MYT1L: variants seen among roughly 807,000 people sequenced by gnomAD.
The protein encoded by MYT1L is myelin transcription factor 1-like protein.
In MYT1L, 12 loss-of-function variants were observed where a neutral mutation model predicts 126.7. The ratio of observed to expected loss-of-function variants is 0.09; its 90% CI spans 0.06 to 0.15. The LOEUF (loss-of-function observed/expected upper bound fraction) is 0.15, where lower values mean the gene tolerates loss of function less well. Ranked by LOEUF, MYT1L falls within the 10% of genes least tolerant of loss-of-function variation. The probability of loss-of-function intolerance (pLI) is 1.00; values close to 1 mark genes in which losing one functional copy is unlikely to be tolerated. For missense variants in MYT1L, 979 were observed against 1,585.2 expected (o/e 0.62, Z 6.49); for synonymous variants, 541 against 604.2 (o/e 0.90, Z 1.53).
At chr2:2,223,128 G>GAC (rs542348922) in intron 2 of MYT1L, among the ~76,000 whole-genome samples, 320 of 152,328 alleles carry the variant, frequency 2.1e-3, no homozygotes, top group Non-Finnish European at 3.5e-3. Context: ...TTCGAGCCTT[G>GAC]AATGACAACT....
intron 2 of MYT1L, among the ~76,000 whole-genome samples, chr2:2,278,988 C>T (rs1406408957): frequency 6.6e-6 from 1 of 152,164 alleles, no homozygotes; most frequent in African/African-American, 2.4e-5. Flanking sequence ...TTCACTAGGG[C>T]TCTGCACTCC....
At chr2:1,905,185 A>G (rs2148976412) in intron 13 of MYT1L, among the ~76,000 whole-genome samples, 1 of 152,284 alleles carries the variant, frequency 6.6e-6, no homozygotes, top group South Asian at 2.1e-4. Flanking sequence ...TTTACACACT[A>G]TAAAGCTAAC....
chr2:1,967,650 C>T (rs910984964), intron 8 of MYT1L, among the ~76,000 whole-genome samples: 1 of 152,192 alleles, frequency 6.6e-6, no homozygotes, highest in Admixed American at 6.5e-5. Flanking sequence ...GTGCCTTCTG[C>T]GCAGCTGCAG....
chr2:2,037,484 G>A (rs545249792), intron 4 of MYT1L, among the ~76,000 whole-genome samples: 6 of 151,166 alleles, frequency 4.0e-5, no homozygotes, highest in South Asian at 4.2e-4. Context: ...GGCCAGGGAC[G>A]GCGGCTCATG....
intron 1 of MYT1L, among the ~76,000 whole-genome samples, chr2:2,298,304 G>T (rs2095728851): frequency 6.6e-6 from 1 of 152,196 alleles, no homozygotes; most frequent in South Asian, 2.1e-4. Flanking sequence ...CATGCTAGAA[G>T]TACAAAAACT....
At chr2:2,284,893 G>A (rs946642206) in intron 1 of MYT1L, among the ~76,000 whole-genome samples, 2 of 151,974 alleles carry the variant, frequency 1.3e-5, no homozygotes, top group Admixed American at 1.3e-4. Flanking sequence ...TAGTAGAGAT[G>A]GGGTTTCATC....
At chr2:2,265,083 A>G (rs1194142003) in intron 2 of MYT1L, among the ~76,000 whole-genome samples, 3 of 149,142 alleles carry the variant, frequency 2.0e-5, no homozygotes, top group Non-Finnish European at 4.4e-5. Context: ...CCTGGAGTGC[A>G]GTGGTGTGAT....
At position 2,262,915 on chromosome 2, in the gene MYT1L, A is replaced by AATATATATATATATATATAT. The variant is rs61461867; in HGVS notation, c.-421+21488_-421+21489insATATATATATATATATATAT. Among the ~76,000 whole-genome samples the AATATATATATATATATATAT allele has an allele frequency of 8.7e-3, 542 of 62,206 alleles. 48 individuals are homozygous for AATATATATATATATATATAT. Among genetic ancestry groups the AATATATATATATATATATAT allele is most frequent in the African/African-American group, 0.022 (320 of 14,476 alleles). 40.8% of individuals were successfully genotyped at this position (62,206 alleles called of 152,430 possible). A position where few individuals can be genotyped will look rare whatever the true frequency, so the allele number is the denominator to read the frequency against. ...GTTTTTACCCCAGGTGAGAGGCACA[A>AATATATATATATATATATAT]ATATATATATATATATAACCTGTGA... On this transcript the variant is annotated intron_variant, in intron 2 of 24. Coordinates refer to ENST00000647738, the MANE Select transcript of MYT1L (RefSeq NM_001303052.2).
At chr2:2,216,552 G>A (rs1425152698) in intron 2 of MYT1L, among the ~76,000 whole-genome samples, 2 of 152,164 alleles carry the variant, frequency 1.3e-5, no homozygotes, top group Admixed American at 1.3e-4. Context: ...AACATTAAAT[G>A]CGTATATCAG....
chr2:1,944,473 G>A (rs2057008950), intron 8 of MYT1L, among the ~76,000 whole-genome samples: 1 of 151,732 alleles, frequency 6.6e-6, no homozygotes, highest in Non-Finnish European at 1.5e-5. Flanking sequence ...TATTCTGCAG[G>A]GTGAGATGTG....
intron 4 of MYT1L, among the ~76,000 whole-genome samples, chr2:2,005,180 AT>A: frequency 7.1e-6 from 1 of 140,754 alleles, no homozygotes; most frequent in African/African-American, 2.8e-5. Context: ...TCTTTCCTGC[AT>A]GTGTTTTTTC....
At chr2:1,868,027 C>A (rs549279610) in intron 18 of MYT1L, among the ~76,000 whole-genome samples, 5,371 of 151,994 alleles carry the variant, frequency 0.035, 147 homozygotes, top group Non-Finnish European at 0.055. Context: ...AGTGCAGTGG[C>A]GTGATCTTGG....
At chr2:1,962,145 G>T (rs559326327) in intron 8 of MYT1L, among the ~76,000 whole-genome samples, 2 of 152,176 alleles carry the variant, frequency 1.3e-5, no homozygotes, top group East Asian at 3.9e-4. Context: ...AAGATATAAG[G>T]TTATAATGTA....
intron 14 of MYT1L, among the ~76,000 whole-genome samples, chr2:1,899,901 G>T (rs2050112749): frequency 6.6e-6 from 1 of 152,214 alleles, no homozygotes; most frequent in Non-Finnish European, 1.5e-5. Context: ...AAGCACTGGT[G>T]TGCTGTGTCT....
intron 3 of MYT1L, among the ~76,000 whole-genome samples, chr2:2,054,488 A>G (rs1047722853): frequency 6.6e-5 from 10 of 152,166 alleles, no homozygotes; most frequent in Non-Finnish European, 1.5e-4. Flanking sequence ...AGACATATGG[A>G]GACACATGGA....
In MYT1L at chr2:1,793,049, A is replaced by C. The variant is rs1156500807; in HGVS notation, c.3277-585T>G. ...GGGACTGCAGTGTGTAGGGGGCTTG[A>C]TGCGAATACTTCTCCTTTCTAGCCT... On this transcript the variant is annotated intron_variant, in intron 23 of 24. Transcript: ENST00000647738. The surrounding 1 kb of genome is among the most constrained non-coding windows in gnomAD (Gnocchi z 4.6). 6.6e-6 allele frequency among the ~76,000 whole-genome samples: 1 copy of C among 151,940 alleles called. No individual in the cohort carries two copies. Among genetic ancestry groups the C allele is most frequent in the Non-Finnish European group, 1.5e-5 (1 of 68,000 alleles).
intron 4 of MYT1L, among the ~76,000 whole-genome samples, chr2:2,011,308 C>T (rs1446236921): frequency 6.6e-6 from 1 of 151,848 alleles, no homozygotes; most frequent in African/African-American, 2.4e-5. Context: ...AGGAGAATCA[C>T]TTGAACCCGG....
Position 1,956,574 on chromosome 2 carries a change from T to TTCTTTCTTTCTATCTATCTATCTA in MYT1L, c.153-13241_153-13240insTAGATAGATAGATAGAAAGAAAGA, listed in dbSNP as rs1369480046. Among the ~76,000 whole-genome samples, 89 of 101,592 alleles carry TTCTTTCTTTCTATCTATCTATCTA rather than the reference T, an allele frequency of 8.8e-4. 1 individual carries two copies. The highest frequency in any genetic ancestry group is 3.3e-3 in the East Asian group (11 of 3,324). The allele number at this position is 101,592 out of a possible 152,430, so 66.6% of individuals were successfully genotyped here. ...CATCTATCCTATTCTATATTTCCTA[T>TTCTTTCTTTCTATCTATCTATCTA]TCTATCTATCTATCTATCTATCTAT... On this transcript the variant is annotated intron_variant, in intron 8 of 24. Transcript: ENST00000647738.
chr2:1,902,139 T>A (rs759220325), intron 14 of MYT1L, among the ~76,000 whole-genome samples: 4 of 152,152 alleles, frequency 2.6e-5, no homozygotes, highest in Admixed American at 1.3e-4. Context: ...AGACACATGG[T>A]TAGATAAATA....
Sources: allele counts gnomAD v4.1 joint callset (sites outside exome capture counted in the v4.1 genomes callset), GRCh38; gene constraint gnomAD v4.1.1; non-coding constraint Gnocchi (gnomAD v3.1); transcripts MANE v1.5; gene names NCBI Gene and HGNC (gene_info 2026-07-23, HGNC 2026-07-21).